WDR59: variants seen among roughly 807,000 people sequenced by gnomAD.
The protein encoded by WDR59 is GATOR2 complex protein WDR59.
WDR59 carries 100 observed loss-of-function variants against 131.2 expected under a neutral mutation model. The observed-to-expected ratio is 0.76, with a 90% CI of 0.65 to 0.90. The LOEUF is 0.90. Ranked by LOEUF, WDR59 falls within the 40% of genes least tolerant of loss-of-function variation. The pLI is 0.00. For missense variants in WDR59, 1,203 were observed against 1,262.2 expected, an observed-to-expected ratio of 0.95 and a Z score of 0.71; for synonymous variants, 601 against 466.2, an observed-to-expected ratio of 1.29 and a Z score of -3.72.
chr16:74,899,445 G>C (rs554574361), intron 18 of WDR59, among the ~76,000 whole-genome samples: 2 of 152,206 alleles, frequency 1.3e-5, no homozygotes, highest in Non-Finnish European at 2.9e-5. Flanking sequence ...AAGAAACCCA[G>C]CATTAACTTT....
chr16:74,904,098 G>C lies in WDR59; in HGVS notation c.1715C>G (p.Ser572Cys). ...GTGATAAGCAGACAAGGCTGAGAGA[G>C]ATCTGTAGTTGAAAATGATAATTAT... ...AVSPTEPTPR[S>C]LSALSAYHTG... Residue 572 changes from serine (S) to cysteine (C), a missense_variant and splice_region_variant, in exon 18 of 26, where the codon TCT becomes TGT. Ser to Cys is a moderately radical substitution (Grantham distance 112). Coordinates refer to ENST00000262144, the MANE Select transcript of WDR59 (RefSeq NM_030581.4). 6.2e-7 allele frequency: 1 copy of C among 1,612,584 alleles called. No individual in the cohort carries two copies. The highest frequency in any genetic ancestry group is 8.5e-7 in the Non-Finnish European group (1 of 1,179,440).
intron 8 of WDR59, among the ~76,000 whole-genome samples, chr16:74,925,172 A>G (rs572706285): frequency 1.7e-4 from 26 of 152,230 alleles, no homozygotes; most frequent in Non-Finnish European, 2.9e-4. Context: ...TCTATGCATT[A>G]TTAATTTTTA....
At chr16:74,903,732 G>A (rs1030279380) in intron 18 of WDR59, among the ~76,000 whole-genome samples, 7 of 152,034 alleles carry the variant, frequency 4.6e-5, no homozygotes, top group African/African-American at 7.2e-5. Context: ...TAAAGATTAC[G>A]GACCATAAGA....
intron 17 of WDR59, among the ~76,000 whole-genome samples, chr16:74,904,783 TATGAATGTAGTGTTGGCATAAAGG>T (rs1160663766): frequency 6.6e-6 from 1 of 152,222 alleles, no homozygotes; most frequent in Non-Finnish European, 1.5e-5. Context: ...AAAAGTACAT[TATGAATGTAGTGTTGGCATAAAGG>T]ATAAATAGAT....
rs767410230 is a variant in WDR59, at chr16:74,874,159, G to A, written c.*50C>T. ...CTCCCCTGACAGACAGCTTGTCACC[G>A]GCACTTATGGGTCCTCTGGGATTTC... is the stretch of plus-strand genomic sequence containing the variant. On this transcript the variant is annotated 3_prime_UTR_variant, in exon 26 of 26. Transcript: ENST00000262144. 3.2e-5 allele frequency: 48 copies of A among 1,488,164 alleles called. No individual in the cohort carries two copies. The East Asian group carries it at 5.2e-4, about 16-fold the overall frequency. The allele number at this position is 1,488,164 out of a possible 1,614,324, so 92.2% of individuals were successfully genotyped here.
chr16:74,965,879 C>CAG lies in WDR59; in HGVS notation c.55-59_55-58dup, dbSNP rs1354423568. The CAG allele has an allele frequency of 1.1e-5, 18 of 1,595,858 alleles. No homozygotes were observed. The Admixed American group carries it at 3.0e-4, about 27-fold the overall frequency. On this transcript the variant is annotated intron_variant, in intron 1 of 25. Transcript: ENST00000262144. ...AGCAAACCCAGCCGGGGATAGAAGG[C>CAG]AGAGGTCTCTGTGGCTCTTCCTCTT...
At chr16:74,955,597 A>G (rs998584432) in intron 3 of WDR59, among the ~76,000 whole-genome samples, 1 of 152,178 alleles carries the variant, frequency 6.6e-6, no homozygotes, top group African/African-American at 2.4e-5. Flanking sequence ...AGTTAAAGGC[A>G]GACTCTATTT....
At chr16:74,945,799 G>A (rs1207440063) in intron 6 of WDR59, among the ~76,000 whole-genome samples, 1 of 150,632 alleles carries the variant, frequency 6.6e-6, no homozygotes. Flanking sequence ...GAGAGAGACA[G>A]GCCACATTCA....
intron 8 of WDR59, among the ~76,000 whole-genome samples, chr16:74,926,932 C>G (rs1191670216): frequency 6.6e-6 from 1 of 152,100 alleles, no homozygotes; most frequent in African/African-American, 2.4e-5. Context: ...TTCTATGTGC[C>G]AACAATGAGG....
intron 21 of WDR59, 58 bp from the exon 22 acceptor site, chr16:74,888,377 C>T (rs1049696064): frequency 8.4e-6 from 13 of 1,544,196 alleles, no homozygotes; most frequent in Admixed American, 3.8e-5. Context: ...AGGAGGAAAG[C>T]GGTCACAGTC....
At chr16:74,888,969 T>A (rs1365811046) in intron 21 of WDR59, among the ~76,000 whole-genome samples, 1 of 152,248 alleles carries the variant, frequency 6.6e-6, no homozygotes, top group Non-Finnish European at 1.5e-5. Context: ...CTCCTATCAC[T>A]CAATGTCTAA....
At chr16:74,980,249 G>A (rs2034348272) in intron 1 of WDR59, among the ~76,000 whole-genome samples, 1 of 151,548 alleles carries the variant, frequency 6.6e-6, no homozygotes. Context: ...ATTAATTAGT[G>A]ACAGTAATAG....
At position 74,916,928 on chromosome 16, in the gene WDR59, T is replaced by A. The variant is rs544020741; in HGVS notation, c.967-669A>T. On this transcript the variant is annotated intron_variant, in intron 11 of 25. Transcript: ENST00000262144. The stretch of plus-strand genomic sequence containing the variant: ...AATTGTACCTTTTGGAAAAAACAGA[T>A]TGAAAATGCAATAAGGTAATGAGAT... Among the ~76,000 whole-genome samples, 4 of 151,948 alleles carry A rather than the reference T, an allele frequency of 2.6e-5. No homozygotes were observed. In the South Asian group the frequency reaches 8.3e-4, roughly 32 times the overall value.
intron 13 of WDR59, among the ~76,000 whole-genome samples, chr16:74,912,838 T>C (rs1033818984): frequency 1.3e-5 from 2 of 152,242 alleles, no homozygotes; most frequent in African/African-American, 4.8e-5. Flanking sequence ...GGATGGGCTG[T>C]GGCTAGCTAT....
At chr16:74,968,915 T>C (rs147332270) in intron 1 of WDR59, among the ~76,000 whole-genome samples, 7 of 152,238 alleles carry the variant, frequency 4.6e-5, no homozygotes, top group South Asian at 2.1e-4. Context: ...CACTAAGCTG[T>C]CCCAAAGAAG....
At chr16:74,968,667 G>A (rs749143652) in intron 1 of WDR59, among the ~76,000 whole-genome samples, 3 of 152,144 alleles carry the variant, frequency 2.0e-5, no homozygotes, top group Admixed American at 6.6e-5. Flanking sequence ...GCTGCATGCA[G>A]TAAGCTGAGA....
chr16:74,940,567 C>G (rs564051171), intron 7 of WDR59, among the ~76,000 whole-genome samples: 26 of 152,286 alleles, frequency 1.7e-4, no homozygotes, highest in Non-Finnish European at 3.4e-4. Context: ...AGCACTGACA[C>G]TGAACTTTGT....
In WDR59 at chr16:74,956,520, C is replaced by A; in HGVS notation, c.195G>T (p.Val65=). Residue 65 remains valine (V), a synonymous_variant, in exon 3 of 26, where the codon GTG becomes GTT. Coordinates refer to ENST00000262144, the MANE Select transcript of WDR59 (RefSeq NM_030581.4). The part of the protein sequence containing the change: ...SRQSKWDIGA[V]QWNPHDSFAH... ...CAAAGCTGTCATGAGGATTCCACTG[C>A]ACAGCTCCAATGTCCCATTTGCTCT... The A allele has an allele frequency of 6.2e-7, 1 of 1,614,124 alleles. No individual in the cohort carries two copies. The highest frequency in any genetic ancestry group is 8.5e-7 in the Non-Finnish European group (1 of 1,180,030).
intron 25 of WDR59, 32 bp from the exon 26 acceptor site, chr16:74,874,476 G>T: frequency 6.2e-7 from 1 of 1,601,026 alleles, no homozygotes; most frequent in Non-Finnish European, 8.5e-7. Context: ...CAAAACAAGA[G>T]GCAGCATGAG....
Sources: gnomAD v4.1 joint callset for allele counts (sites outside exome capture counted in the v4.1 genomes callset) on GRCh38, gnomAD v4.1.1 for gene constraint, MANE v1.5 for transcripts, NCBI Gene and HGNC (gene_info 2026-07-23, HGNC 2026-07-21) for gene names.